Variants in GMDS observed in about 807,000 individuals in gnomAD.
GMDS encodes GDP-mannose 4,6 dehydratase.
In GMDS, 20 loss-of-function variants were observed where a neutral mutation model predicts 49.9. The observed-to-expected ratio is 0.40, with a 90% CI of 0.28 to 0.58. GMDS has a LOEUF of 0.58. GMDS is among the 20% of genes least tolerant of loss of function. The pLI is 0.42. For synonymous variants in GMDS, 177 were observed against 178.6 expected (o/e 0.99, Z 0.07); for missense variants, 362 against 481.4 (o/e 0.75, Z 2.32).
chr6:1,999,967 ATATTATATATATATT>A (rs1561961626), intron 4 of GMDS, among the ~76,000 whole-genome samples: 98 of 24,744 alleles, frequency 4.0e-3, no homozygotes, highest in South Asian at 6.4e-3. Flanking sequence ...TATTATATAT[ATATTATATATATATT>A]TTATATATAT....
chr6:1,668,697 ACTCTG>A lies in GMDS; in HGVS notation c.988-44162_988-44158del, dbSNP rs754071907. On this transcript the variant is annotated intron_variant, in intron 9 of 10. Coordinates refer to ENST00000380815, the MANE Select transcript of GMDS (RefSeq NM_001500.4). ...ACTCCAGACTGGGCAACAGAGTAAG[ACTCTG>A]TCTAAACAAACAAACAAACAAACAA... 3.3e-3 allele frequency among the ~76,000 whole-genome samples: 496 copies of A among 151,790 alleles called. 2 individuals are homozygous for A. The highest frequency in any genetic ancestry group is 5.2e-3 in the Non-Finnish European group (351 of 67,956).
chr6:1,802,479 A>G (rs1769990886), intron 7 of GMDS, among the ~76,000 whole-genome samples: 1 of 152,262 alleles, frequency 6.6e-6, no homozygotes. Context: ...ACTATAAAAC[A>G]GCTGAAATCA....
At chr6:2,188,646 A>G (rs923717163) in intron 1 of GMDS, among the ~76,000 whole-genome samples, 7 of 152,248 alleles carry the variant, frequency 4.6e-5, no homozygotes, top group African/African-American at 1.7e-4. Context: ...TCAAGATGAC[A>G]AGTCTTGATT....
intron 4 of GMDS, among the ~76,000 whole-genome samples, chr6:2,056,483 T>A (rs1770785081): frequency 6.6e-6 from 1 of 152,206 alleles, no homozygotes; most frequent in African/African-American, 2.4e-5. Flanking sequence ...CTCTGACAGA[T>A]GTAAAAGAGG....
chr6:2,143,081 T>C (rs570104213), intron 1 of GMDS, among the ~76,000 whole-genome samples: 7 of 152,364 alleles, frequency 4.6e-5, no homozygotes, highest in Admixed American at 1.3e-4. Flanking sequence ...GACAGGACCA[T>C]GACTGCATTG....
At chr6:1,956,922 C>T (rs1763669558) in intron 6 of GMDS, among the ~76,000 whole-genome samples, 1 of 151,910 alleles carries the variant, frequency 6.6e-6, no homozygotes, top group African/African-American at 2.4e-5. Context: ...CTGCCTCAGC[C>T]TCCCGAGTAG....
At chr6:1,937,021 G>A (rs1361795632) in intron 6 of GMDS, among the ~76,000 whole-genome samples, 5 of 149,868 alleles carry the variant, frequency 3.3e-5, no homozygotes, top group African/African-American at 1.2e-4. Context: ...CATATCTTTT[G>A]TCCTTTATAT....
At chr6:1,915,619 T>C (rs1761342155) in intron 7 of GMDS, among the ~76,000 whole-genome samples, 1 of 152,184 alleles carries the variant, frequency 6.6e-6, no homozygotes, top group Non-Finnish European at 1.5e-5. Context: ...AAGGCGACTC[T>C]GGCAGCCATG....
At chr6:2,051,998 T>C (rs1040419425) in intron 4 of GMDS, among the ~76,000 whole-genome samples, 10 of 151,560 alleles carry the variant, frequency 6.6e-5, no homozygotes, top group African/African-American at 2.4e-4. Flanking sequence ...GCACCTGTAA[T>C]CCCAGCTACA....
intron 6 of GMDS, among the ~76,000 whole-genome samples, chr6:1,932,739 C>T (rs902433886): frequency 6.6e-6 from 1 of 151,908 alleles, no homozygotes; most frequent in Non-Finnish European, 1.5e-5. Flanking sequence ...GGGGTTTCAC[C>T]GTGTTAGTCA....
intron 1 of GMDS, among the ~76,000 whole-genome samples, chr6:2,239,852 A>AT (rs1048784064): frequency 2.0e-5 from 3 of 151,954 alleles, no homozygotes; most frequent in East Asian, 3.9e-4. Context: ...TGCCCAGCTA[A>AT]TTTTTTTGTA....
intron 4 of GMDS, among the ~76,000 whole-genome samples, chr6:1,961,599 C>G (rs983046295): frequency 3.9e-5 from 6 of 152,164 alleles, no homozygotes; most frequent in African/African-American, 1.4e-4. Context: ...CTTTAGAGCA[C>G]TTTTTAAAAA....
rs3800113 is a variant in GMDS, at chr6:1,874,965, G to A, written c.771+55138C>T. Among the ~76,000 whole-genome samples the A allele has an allele frequency of 0.014, 2,181 of 152,294 alleles. 113 individuals are homozygous for A. The East Asian group carries it at 0.17, about 12-fold the overall frequency. On this transcript the variant is annotated intron_variant, in intron 7 of 10. Transcript: ENST00000380815. ...TTAATGTTATTTTACAAATGTATGC[G>A]TAGCTATTCAGTAAATTAAACATTT...
At chr6:1,722,816 T>C (rs1275495476) in intron 9 of GMDS, among the ~76,000 whole-genome samples, 1 of 152,216 alleles carries the variant, frequency 6.6e-6, no homozygotes. Flanking sequence ...AGTGTATGCA[T>C]GTACAGAAAA....
At chr6:2,062,251 G>T (rs961453907) in intron 4 of GMDS, among the ~76,000 whole-genome samples, 2 of 152,156 alleles carry the variant, frequency 1.3e-5, no homozygotes, top group African/African-American at 4.8e-5. Context: ...GTCCTGCATG[G>T]TTGCATGCAG....
chr6:2,010,540 T>C (rs975791944), intron 4 of GMDS, among the ~76,000 whole-genome samples: 10 of 152,052 alleles, frequency 6.6e-5, no homozygotes, highest in Admixed American at 3.3e-4. Context: ...GCATTCTATA[T>C]CTATGAAAAT....
At chr6:1,846,561 G>A (rs1292551946) in intron 7 of GMDS, among the ~76,000 whole-genome samples, 13 of 152,210 alleles carry the variant, frequency 8.5e-5, no homozygotes, top group Admixed American at 8.5e-4. Flanking sequence ...GGCTGGCAGG[G>A]ACAGGGAAAC....
chr6:1,723,066 C>T (rs769309875), intron 9 of GMDS, among the ~76,000 whole-genome samples: 1 of 152,022 alleles, frequency 6.6e-6, no homozygotes, highest in Admixed American at 6.5e-5. Flanking sequence ...GGTACAGAAG[C>T]GATATTGAAG....
At chr6:1,876,635 T>C (rs1326260790) in intron 7 of GMDS, among the ~76,000 whole-genome samples, 1 of 152,176 alleles carries the variant, frequency 6.6e-6, no homozygotes, top group Non-Finnish European at 1.5e-5. Flanking sequence ...TACTAACTTG[T>C]GCTATTGTGA....
Sources: allele counts gnomAD v4.1 joint callset (sites outside exome capture counted in the v4.1 genomes callset), GRCh38; gene constraint gnomAD v4.1.1; transcripts MANE v1.5; gene names NCBI Gene and HGNC (gene_info 2026-07-23, HGNC 2026-07-21).